LYSMD1: variants seen among roughly 807,000 people sequenced by gnomAD.
LYSMD1 encodes LysM domain containing 1.
Under a neutral mutation model 19.3 loss-of-function variants are expected in LYSMD1, and 9 were observed. The observed-to-expected ratio is 0.47, with a 90% CI of 0.28 to 0.81. LYSMD1 has a LOEUF of 0.81. LYSMD1 is among the 40% of genes least tolerant of loss of function. The pLI is 0.11. For synonymous variants in LYSMD1, 111 were observed against 111.7 expected (o/e 0.99, Z 0.04); for missense variants, 262 against 279.8 (o/e 0.94, Z 0.45).
At position 151,165,773 on chromosome 1, in the gene LYSMD1, C is replaced by T; in HGVS notation, c.-515G>A. 6.4e-7 allele frequency: 1 copy of T among 1,551,656 alleles called. No homozygotes were observed. The highest frequency in any genetic ancestry group is 2.4e-5 in the East Asian group (1 of 40,918). The stretch of plus-strand genomic sequence containing the variant: ...TTCCACTCAGAGATCCTCAAAGGTC[C>T]GCTCCGCATAAGATAGGTCACACCC... On this transcript the variant is annotated 5_prime_UTR_variant, in exon 1 of 3. Transcript: ENST00000368908.
chr1:151,157,228 G>A (rs1438944752), downstream of LYSMD1, among the ~76,000 whole-genome samples: 1 of 152,212 alleles, frequency 6.6e-6, no homozygotes, highest in African/African-American at 2.4e-5. Context: ...AAAGCCCCAA[G>A]GCAAGCTGGG....
the LYSMD1 span, among the ~76,000 whole-genome samples, chr1:151,149,569 A>G: frequency 0.33 from 50,399 of 151,774 alleles, 11,297 homozygotes; most frequent in African/African-American, 0.64. Context: ...GGGCAACAAC[A>G]GTGAAACCCC....
the LYSMD1 span, among the ~76,000 whole-genome samples, chr1:151,150,015 A>G: frequency 2.3e-4 from 35 of 152,064 alleles, no homozygotes; most frequent in Admixed American, 2.0e-3. Flanking sequence ...TCACCTGTCG[A>G]AGGTTCACCT....
At chr1:151,163,185 G>A (rs2101691293) in intron 1 of LYSMD1, among the ~76,000 whole-genome samples, 1 of 151,958 alleles carries the variant, frequency 6.6e-6, no homozygotes, top group South Asian at 2.1e-4. Flanking sequence ...TCTCTGCTTG[G>A]AAAACTTGTA....
Position 151,160,945 on chromosome 1 carries a change from CGGCACAGGACCTA to C in LYSMD1, c.608_620del (p.Leu203ArgfsTer2). 6.2e-7 allele frequency: 1 copy of C among 1,614,142 alleles called. No individual in the cohort carries two copies. Among genetic ancestry groups the C allele is most frequent in the Non-Finnish European group, 8.5e-7 (1 of 1,180,002 alleles). On this transcript the variant is annotated frameshift_variant, in exon 3 of 3. Coordinates refer to ENST00000368908, the MANE Select transcript of LYSMD1 (RefSeq NM_212551.5). LOFTEE classifies it high-confidence loss of function. ...TCCGGGTCCGAGAGGTACGGGTCAG[CGGCACAGGACCTA>C]GGACTGCTCGTTGCTGCATCCAAGG...
At position 151,161,763 on chromosome 1, in the gene LYSMD1, GCAGCAGCCTTC is replaced by G. The variant is rs1228703563; in HGVS notation, c.507_517del (p.Lys169AsnfsTer51). Reference sequence around the variant, plus strand: ...ATTTTCCCCTTTTTTCAGCTTCTGAGCAGCAGCCTTCTTGGACAGGCTGATCTGTGAATCAA... The same window carrying G: ...ATTTTCCCCTTTTTTCAGCTTCTGAGTTGGACAGGCTGATCTGTGAATCAA... On this transcript the variant is annotated frameshift_variant, in exon 2 of 3. Coordinates refer to ENST00000368908, the MANE Select transcript of LYSMD1 (RefSeq NM_212551.5). LOFTEE classifies it high-confidence loss of function. 3 of 1,611,770 alleles carry G rather than the reference GCAGCAGCCTTC, an allele frequency of 1.9e-6. No homozygotes were observed. In the Admixed American group the frequency reaches 5.1e-5, roughly 27 times the overall value.
rs116759969 is a variant in LYSMD1 at position 151,163,968 on chromosome 1, A to G, written c.180+1111T>C. 3.6e-3 allele frequency among the ~76,000 whole-genome samples: 538 copies of G among 150,910 alleles called. 3 individuals carry two copies. The highest frequency in any genetic ancestry group is 9.0e-3 in the South Asian group (43 of 4,790). The stretch of plus-strand genomic sequence containing the variant: ...GAGTGCAGTGGTGCGATCTCAGCTC[A>G]TCGCAACCTCCCCCTCCTGGGTTCA... On this transcript the variant is annotated intron_variant, in intron 1 of 2. Coordinates refer to ENST00000368908, the MANE Select transcript of LYSMD1 (RefSeq NM_212551.5).
the LYSMD1 span, among the ~76,000 whole-genome samples, chr1:151,153,075 T>C: frequency 2.0e-5 from 3 of 152,252 alleles, no homozygotes; most frequent in Admixed American, 6.5e-5. Flanking sequence ...ATAAACTACT[T>C]ATCTCTAAGT....
intron 1 of LYSMD1, among the ~76,000 whole-genome samples, chr1:151,164,417 C>T (rs587690837): frequency 6.6e-6 from 1 of 152,278 alleles, no homozygotes; most frequent in South Asian, 2.1e-4. Flanking sequence ...AACAAGAAAA[C>T]AGGGGCAGGG....
chr1:151,149,286 C>T, the LYSMD1 span, among the ~76,000 whole-genome samples: 2 of 152,136 alleles, frequency 1.3e-5, no homozygotes, highest in Non-Finnish European at 2.9e-5. Context: ...ATCCCAGCTA[C>T]TCAGGAGGCT....
downstream of LYSMD1, chr1:151,159,369 T>C: frequency 3.5e-6 from 4 of 1,138,606 alleles, no homozygotes; most frequent in Non-Finnish European, 4.9e-6. Context: ...CAGGCTTCAT[T>C]CCTTCCCAAG....
the LYSMD1 span, among the ~76,000 whole-genome samples, chr1:151,149,299 G>A: frequency 2.0e-5 from 3 of 152,172 alleles, no homozygotes; most frequent in African/African-American, 7.2e-5. Flanking sequence ...AGGAGGCTGA[G>A]GCAGGGGAAT....
At chr1:151,151,441 C>T in the LYSMD1 span, among the ~76,000 whole-genome samples, 28 of 151,090 alleles carry the variant, frequency 1.9e-4, no homozygotes, top group African/African-American at 6.6e-4. Context: ...CCTCATGATC[C>T]GCCCGCCTGG....
downstream of LYSMD1, among the ~76,000 whole-genome samples, chr1:151,158,159 C>A (rs1197157773): frequency 6.6e-6 from 1 of 151,982 alleles, no homozygotes; most frequent in Non-Finnish European, 1.5e-5. Flanking sequence ...GCTGTCTCTA[C>A]TAAAAATACA....
At chr1:151,148,794 C>T in the LYSMD1 span, among the ~76,000 whole-genome samples, 1 of 152,058 alleles carries the variant, frequency 6.6e-6, no homozygotes, top group Non-Finnish European at 1.5e-5. Context: ...TCCTGTGAGG[C>T]TGGTGTGTGG....
the LYSMD1 span, among the ~76,000 whole-genome samples, chr1:151,153,381 G>A: frequency 5.3e-5 from 8 of 151,960 alleles, no homozygotes; most frequent in Admixed American, 1.3e-4. Flanking sequence ...GTGGCCAGGC[G>A]CAGTGGCTCA....
At chr1:151,158,514 A>G (rs1683307923), downstream of LYSMD1, among the ~76,000 whole-genome samples, 1 of 151,966 alleles carries the variant, frequency 6.6e-6, no homozygotes, top group African/African-American at 2.4e-5. Flanking sequence ...AAGGGGAAAA[A>G]GCAGGCAGGA....
rs1267690604 is a variant in LYSMD1 at position 151,165,699 on chromosome 1, T to C, written c.-441A>G. The C allele has an allele frequency of 5.8e-6, 9 of 1,551,524 alleles. No individual in the cohort carries two copies. The highest frequency in any genetic ancestry group is 7.8e-6 in the Non-Finnish European group (9 of 1,146,994). ...CAAATCAGGCCCACCCCAGGTGAAC[T>C]GTCGCCGCAGACGAAGAGCGTGAGG... On this transcript the variant is annotated 5_prime_UTR_variant, in exon 1 of 3. Coordinates refer to ENST00000368908, the MANE Select transcript of LYSMD1 (RefSeq NM_212551.5).
At chr1:151,159,107 C>A, downstream of LYSMD1, 1 of 1,614,150 alleles carries the variant, frequency 6.2e-7, no homozygotes, top group Non-Finnish European at 8.5e-7. Context: ...CACCTCACGC[C>A]CAAGTCACAT....
Sources: gnomAD v4.1 joint callset for allele counts (sites outside exome capture counted in the v4.1 genomes callset) on GRCh38, gnomAD v4.1.1 for gene constraint, MANE v1.5 for transcripts, NCBI Gene and HGNC (gene_info 2026-07-23, HGNC 2026-07-21) for gene names.